The following CCDC172 variants were observed in gnomAD, a reference collection of about 807,000 sequenced individuals.
CCDC172 encodes the protein coiled-coil domain containing 172, also known as coiled-coil domain-containing protein 172.
Under a neutral mutation model 38.0 loss-of-function variants are expected in CCDC172, and 30 were observed. The ratio of observed to expected loss-of-function variants is 0.79; its 90% CI spans 0.59 to 1.07. The LOEUF (loss-of-function observed/expected upper bound fraction) is 1.07, where lower values mean the gene tolerates loss of function less well. Among genes scored for constraint, CCDC172 ranks in the 50% least tolerant of loss-of-function variants. The pLI, the probability that CCDC172 is intolerant of heterozygous loss-of-function variation, is 0.00. For missense variants in CCDC172, 297 were observed against 290.1 expected (o/e 1.02, Z -0.17); for synonymous variants, 78 against 88.3 (o/e 0.88, Z 0.66).
chr10:116,346,543 T>C (rs1434858879), intron 5 of CCDC172, among the ~76,000 whole-genome samples: 1 of 152,024 alleles, frequency 6.6e-6, no homozygotes, highest in Non-Finnish European at 1.5e-5. Flanking sequence ...TTGATAGAAA[T>C]GTACAGTTTC....
rs530366494 is a variant in CCDC172 at position 116,365,527 on chromosome 10, T to C, written c.653+7589T>C. On this transcript the variant is annotated intron_variant, in intron 7 of 8. Transcript: ENST00000333254. ...TTTCAATAGCAGCATCCATAGTATA[T>C]TGTAACTCTCCACTTAACTTTCCAT... is the stretch of plus-strand genomic sequence containing the variant. Among the ~76,000 whole-genome samples the C allele has an allele frequency of 7.2e-4, 109 of 152,276 alleles. 1 individual carries two copies. The highest frequency in any genetic ancestry group is 1.1e-3 in the Non-Finnish European group (75 of 68,010).
At chr10:116,373,589 C>T (rs1845211723) in intron 7 of CCDC172, among the ~76,000 whole-genome samples, 1 of 152,204 alleles carries the variant, frequency 6.6e-6, no homozygotes, top group African/African-American at 2.4e-5. Flanking sequence ...ACTGTAACCT[C>T]CGTCTCTGGG....
At chr10:116,326,964 T>C (rs921665683) in intron 3 of CCDC172, among the ~76,000 whole-genome samples, 1 of 152,198 alleles carries the variant, frequency 6.6e-6, no homozygotes, top group Admixed American at 6.5e-5. Flanking sequence ...AAGAATGTTA[T>C]GATGCAACTT....
At chr10:116,364,847 A>G (rs1369348108) in intron 7 of CCDC172, among the ~76,000 whole-genome samples, 1 of 152,184 alleles carries the variant, frequency 6.6e-6, no homozygotes, top group Admixed American at 6.5e-5. Context: ...TAGTGTGTAC[A>G]ATTCTGTAGC....
Position 116,378,527 on chromosome 10 carries a change from T to C in CCDC172, c.741+17T>C. ...TTGGAGTTGGTAAGTTATCATTGAT[T>C]GTTTAACTTTTGTTCAGCATTATTT... On this transcript the variant is annotated intron_variant, in intron 8 of 8. Coordinates refer to ENST00000333254, the MANE Select transcript of CCDC172 (RefSeq NM_198515.3). The C allele has an allele frequency of 1.9e-6, 3 of 1,580,100 alleles. No individual in the cohort carries two copies. Among genetic ancestry groups the C allele is most frequent in the Non-Finnish European group, 2.6e-6 (3 of 1,157,464 alleles).
At chr10:116,366,158 T>C (rs1482383671) in intron 7 of CCDC172, among the ~76,000 whole-genome samples, 1 of 152,152 alleles carries the variant, frequency 6.6e-6, no homozygotes, top group Admixed American at 6.6e-5. Context: ...TATACTAATA[T>C]AATGAGCACC....
In CCDC172 at chr10:116,327,284, AC is replaced by A. The variant is rs370922014; in HGVS notation, c.165+1897del. On this transcript the variant is annotated intron_variant, in intron 3 of 8. Coordinates refer to ENST00000333254, the MANE Select transcript of CCDC172 (RefSeq NM_198515.3). ...TTATTAAAGCAGATTTCTTAAGCTC[AC>A]TTTAAACATTTTTCGTCATGACATT... 4.4e-3 allele frequency among the ~76,000 whole-genome samples: 669 copies of A among 152,308 alleles called. 6 individuals are homozygous for A. Among genetic ancestry groups the A allele is most frequent in the African/African-American group, 0.015 (624 of 41,588 alleles).
At chr10:116,366,624 T>A (rs1845126075) in intron 7 of CCDC172, among the ~76,000 whole-genome samples, 2 of 152,238 alleles carry the variant, frequency 1.3e-5, no homozygotes, top group Non-Finnish European at 2.9e-5. Flanking sequence ...TTTCAAGATT[T>A]TGGTATCACC....
At chr10:116,372,934 C>G (rs1845203135) in intron 7 of CCDC172, among the ~76,000 whole-genome samples, 4 of 152,122 alleles carry the variant, frequency 2.6e-5, no homozygotes, top group African/African-American at 7.2e-5. Flanking sequence ...GTGAAAATCC[C>G]TTTCACAAAT....
chr10:116,377,840 A>G (rs1845266903), intron 7 of CCDC172, among the ~76,000 whole-genome samples: 2 of 152,086 alleles, frequency 1.3e-5, no homozygotes, highest in South Asian at 2.1e-4. Context: ...ATAGTACTAT[A>G]TATTTTTTAT....
chr10:116,325,319 C>G lies in CCDC172; in HGVS notation c.96C>G (p.Thr32=). ...RLMREVRSEI[T]RCREKIKKAT... is the part of the protein sequence containing the mutation. ...TTATTACAGTAAGGTCGGAAATAAC[C>G]AGATGTCGTGAAAAAATTAAGAAAG... The change falls in exon 3 of 9, where the codon ACC becomes ACG. Residue 32 remains threonine (T), a synonymous_variant. Coordinates refer to ENST00000333254, the MANE Select transcript of CCDC172 (RefSeq NM_198515.3). 6.2e-7 allele frequency: 1 copy of G among 1,613,240 alleles called. No homozygotes were observed. The highest frequency in any genetic ancestry group is 1.7e-5 in the Admixed American group (1 of 59,934).
intron 7 of CCDC172, among the ~76,000 whole-genome samples, chr10:116,361,090 C>G (rs2134955558): frequency 1.4e-5 from 2 of 147,846 alleles, no homozygotes; most frequent in South Asian, 4.3e-4. Context: ...TTATTTGAGA[C>G]AAAGTCTTGC....
chr10:116,378,900 T>C (rs1345545624), intron 8 of CCDC172, among the ~76,000 whole-genome samples: 2 of 152,176 alleles, frequency 1.3e-5, no homozygotes, highest in African/African-American at 2.4e-5. Context: ...TTTTATTATA[T>C]TTGATCCTAA....
intron 7 of CCDC172, among the ~76,000 whole-genome samples, chr10:116,364,548 C>T (rs1845100569): frequency 6.6e-6 from 1 of 151,940 alleles, no homozygotes; most frequent in Non-Finnish European, 1.5e-5. Context: ...CTGAAATGCC[C>T]TGTTATAAGA....
chr10:116,328,985 C>T (rs1296755521), intron 3 of CCDC172, among the ~76,000 whole-genome samples: 2 of 152,214 alleles, frequency 1.3e-5, no homozygotes, highest in East Asian at 1.9e-4. Flanking sequence ...ATTATTCATT[C>T]AACAAACATT....
chr10:116,325,378 T>C lies in CCDC172; in HGVS notation c.155T>C (p.Leu52Pro), dbSNP rs1844579055. Residue 52 changes from leucine to proline, a missense_variant, in exon 3 of 9, where the codon CTG becomes CCG. Leu to Pro is a moderately conservative substitution (Grantham distance 98). Transcript: ENST00000333254. The stretch of plus-strand genomic sequence containing the variant: ...GAGCTGAATGAAGAGAAAATCAAGC[T>C]GGAATCTAAGGTATTGAAATGTAAA... ...TEELNEEKIKLESKVQQFFEK... is the reference protein window; with the variant it reads ...TEELNEEKIKPESKVQQFFEK... The C allele has an allele frequency of 6.2e-7, 1 of 1,613,078 alleles. No individual in the cohort carries two copies. The highest frequency in any genetic ancestry group is 1.3e-5 in the African/African-American group (1 of 74,884).
At chr10:116,339,062 C>A (rs574647705) in intron 3 of CCDC172, among the ~76,000 whole-genome samples, 2 of 151,990 alleles carry the variant, frequency 1.3e-5, no homozygotes, top group Non-Finnish European at 2.9e-5. Flanking sequence ...ACTGCAAACA[C>A]CCTTCTCAGT....
intron 5 of CCDC172, among the ~76,000 whole-genome samples, chr10:116,354,281 T>C (rs1844966870): frequency 6.6e-6 from 1 of 152,154 alleles, no homozygotes; most frequent in Non-Finnish European, 1.5e-5. Flanking sequence ...ATGTCACTGG[T>C]TTATGTATTA....
At chr10:116,372,932 C>A (rs536965252) in intron 7 of CCDC172, among the ~76,000 whole-genome samples, 1 of 152,178 alleles carries the variant, frequency 6.6e-6, no homozygotes, top group Admixed American at 6.6e-5. Flanking sequence ...CAGTGAAAAT[C>A]CCTTTCACAA....
Sources: gnomAD v4.1 joint callset for allele counts (sites outside exome capture counted in the v4.1 genomes callset) on GRCh38, gnomAD v4.1.1 for gene constraint, MANE v1.5 for transcripts, NCBI Gene and HGNC (gene_info 2026-07-23, HGNC 2026-07-21) for gene names.